DLG1: variants seen among roughly 807,000 people sequenced by gnomAD.
DLG1 encodes the protein disks large homolog 1.
A neutral mutation model predicts 123.4 loss-of-function variants in DLG1; 42 were observed. The ratio of observed to expected loss-of-function variants is 0.34; its 90% CI spans 0.27 to 0.44. The LOEUF is 0.44. DLG1 is among the 20% of genes least tolerant of loss of function. The pLI is 1.00. For synonymous variants in DLG1, 317 were observed against 356.2 expected (o/e 0.89, Z 1.24); for missense variants, 942 against 1,082.6 (o/e 0.87, Z 1.82).
chr3:197,100,300 C>T (rs922565152), intron 14 of DLG1, among the ~76,000 whole-genome samples: 1 of 152,128 alleles, frequency 6.6e-6, no homozygotes, highest in Non-Finnish European at 1.5e-5. Flanking sequence ...AGAAATCTAC[C>T]TTTGTAACTC....
At chr3:197,059,177 A>G (rs1404453016) in intron 23 of DLG1, among the ~76,000 whole-genome samples, 17 of 152,174 alleles carry the variant, frequency 1.1e-4, no homozygotes, top group East Asian at 5.8e-4. Context: ...TGCCCGCCTC[A>G]GCCTCCCAAA....
chr3:197,264,755 G>A (rs1439651278), intron 4 of DLG1, among the ~76,000 whole-genome samples: 2 of 152,018 alleles, frequency 1.3e-5, no homozygotes, highest in Non-Finnish European at 2.9e-5. Context: ...TTTCAGATCA[G>A]GGATATTCAA....
intron 5 of DLG1, among the ~76,000 whole-genome samples, chr3:197,189,026 A>G (rs1717729756): frequency 1.3e-5 from 2 of 152,248 alleles, no homozygotes; most frequent in Non-Finnish European, 2.9e-5. Context: ...AAGCAGGTAG[A>G]AATTCCCCAA....
In DLG1 at chr3:197,136,499, GACT is replaced by G. The variant is rs762102478; in HGVS notation, c.1020+40_1020+42del. 5 of 1,532,390 alleles carry G rather than the reference GACT, an allele frequency of 3.3e-6. No individual in the cohort carries two copies. In the South Asian group the frequency reaches 6.1e-5, roughly 19 times the overall value. 94.9% of individuals were successfully genotyped at this position (1,532,390 alleles called of 1,614,324 possible). A position where few individuals can be genotyped will look rare whatever the true frequency, so the allele number is the denominator to read the frequency against. On this transcript the variant is annotated intron_variant, in intron 10 of 24. Transcript: ENST00000667157. The stretch of plus-strand genomic sequence containing the variant: ...CCAGTATCTATCAGAAAAATAAACA[GACT>G]ACAAAATGATTTAAAAGACAATAGA...
chr3:197,264,551 C>A (rs561795435), intron 4 of DLG1, among the ~76,000 whole-genome samples: 1 of 152,054 alleles, frequency 6.6e-6, no homozygotes, highest in Admixed American at 6.6e-5. Flanking sequence ...CTCAGCCTCC[C>A]GAGTAGCTGG....
chr3:197,181,198 T>TG (rs902158964), intron 5 of DLG1, among the ~76,000 whole-genome samples: 1 of 152,012 alleles, frequency 6.6e-6, no homozygotes, highest in Non-Finnish European at 1.5e-5. Context: ...ATACTGTATT[T>TG]GGGGGGGATA....
chr3:197,215,950 A>G (rs1329242127), intron 4 of DLG1, among the ~76,000 whole-genome samples: 2 of 152,182 alleles, frequency 1.3e-5, no homozygotes, highest in African/African-American at 4.8e-5. Context: ...TCTACTCAAT[A>G]TTGAATAAAG....
chr3:197,169,380 TTA>T (rs564817040), intron 5 of DLG1, among the ~76,000 whole-genome samples: 337 of 152,266 alleles, frequency 2.2e-3, no homozygotes, highest in African/African-American at 7.9e-3. Flanking sequence ...TATTGGTGGC[TTA>T]AACTGAATGG....
At chr3:197,280,085 A>C (rs1768486073) in intron 4 of DLG1, among the ~76,000 whole-genome samples, 1 of 152,126 alleles carries the variant, frequency 6.6e-6, no homozygotes, top group South Asian at 2.1e-4. Context: ...AGTAGAATGT[A>C]TTCCTTCTAA....
At chr3:197,148,542 G>T (rs1432644801) in intron 6 of DLG1, among the ~76,000 whole-genome samples, 1 of 151,922 alleles carries the variant, frequency 6.6e-6, no homozygotes, top group Non-Finnish European at 1.5e-5. Flanking sequence ...TATATTTACA[G>T]TTAACTGATT....
At chr3:197,123,251 A>C (rs1777344598) in intron 11 of DLG1, among the ~76,000 whole-genome samples, 1 of 152,228 alleles carries the variant, frequency 6.6e-6, no homozygotes, top group Non-Finnish European at 1.5e-5. Context: ...CACTAAAAGC[A>C]CTACCTTAAT....
chr3:197,098,169 C>T (rs1403715774), intron 14 of DLG1, among the ~76,000 whole-genome samples: 1 of 152,104 alleles, frequency 6.6e-6, no homozygotes, highest in Non-Finnish European at 1.5e-5. Flanking sequence ...CCTAGTTTCC[C>T]TTCATGTTTT....
intron 14 of DLG1, among the ~76,000 whole-genome samples, chr3:197,094,748 C>CT (rs1759675034): frequency 6.6e-6 from 1 of 152,126 alleles, no homozygotes. Context: ...AACACTATCA[C>CT]TCTATTTGTT....
chr3:197,199,382 G>A (rs938290857), intron 4 of DLG1, among the ~76,000 whole-genome samples: 3 of 152,046 alleles, frequency 2.0e-5, no homozygotes, highest in Non-Finnish European at 4.4e-5. Context: ...CTTATGTGAT[G>A]GGTTGCAGTC....
chr3:197,054,174 A>G (rs1376989280), intron 23 of DLG1, among the ~76,000 whole-genome samples: 1 of 152,120 alleles, frequency 6.6e-6, no homozygotes, highest in East Asian at 1.9e-4. Context: ...TGCTTTCAAG[A>G]TTCTCTCTGT....
At chr3:197,179,274 C>G (rs77459077) in intron 5 of DLG1, among the ~76,000 whole-genome samples, 6,479 of 151,980 alleles carry the variant, frequency 0.043, 184 homozygotes, top group Non-Finnish European at 0.054. Flanking sequence ...AGCTTGGTAC[C>G]AAGTGGATAA....
intron 4 of DLG1, among the ~76,000 whole-genome samples, chr3:197,249,637 T>C (rs1178921144): frequency 6.6e-6 from 1 of 152,168 alleles, no homozygotes; most frequent in Non-Finnish European, 1.5e-5. Context: ...CCAATACCAC[T>C]GATTATGAAA....
intron 5 of DLG1, among the ~76,000 whole-genome samples, chr3:197,164,804 C>A (rs1195795594): frequency 6.6e-6 from 1 of 150,958 alleles, no homozygotes; most frequent in Non-Finnish European, 1.5e-5. Context: ...TGCCTGTAGT[C>A]CCAGCTACTC....
chr3:197,053,381 G>A (rs902466758), intron 23 of DLG1, among the ~76,000 whole-genome samples: 5 of 152,068 alleles, frequency 3.3e-5, no homozygotes, highest in Admixed American at 2.6e-4. Context: ...TTGAAGAATA[G>A]ATTTGCCAGA....
Sources: allele counts gnomAD v4.1 joint callset (sites outside exome capture counted in the v4.1 genomes callset), GRCh38; gene constraint gnomAD v4.1.1; transcripts MANE v1.5; gene names NCBI Gene and HGNC (gene_info 2026-07-23, HGNC 2026-07-21).